SNX30: variants seen among roughly 807,000 people sequenced by gnomAD.
SNX30 encodes sorting nexin family member 30.
Under a neutral mutation model 46.4 loss-of-function variants are expected in SNX30, and 24 were observed. The ratio of observed to expected loss-of-function variants is 0.52; its 90% CI spans 0.37 to 0.73. The LOEUF (loss-of-function observed/expected upper bound fraction) is 0.73. Ranked by LOEUF, SNX30 falls within the 30% of genes least tolerant of loss-of-function variation. The probability of loss-of-function intolerance (pLI) is 0.00; values close to 1 mark genes in which losing one functional copy is unlikely to be tolerated. For missense variants in SNX30, 533 were observed against 555.7 expected (o/e 0.96, Z 0.41); for synonymous variants, 189 against 211.5 (o/e 0.89, Z 0.92).
chr9:112,832,457 AGAGTGTGTGTGTGT>A (rs1381273564), intron 4 of SNX30, among the ~76,000 whole-genome samples: 1 of 112,336 alleles, frequency 8.9e-6, no homozygotes, highest in African/African-American at 4.3e-5. Flanking sequence ...AGAGAGAGAG[AGAGTGTGTGTGTGT>A]GTGTGTGTGT....
chr9:112,759,912 C>G (rs1013973940), intron 1 of SNX30, among the ~76,000 whole-genome samples: 1 of 151,960 alleles, frequency 6.6e-6, no homozygotes, highest in Admixed American at 6.6e-5. Context: ...CCAGCGAGTT[C>G]GTAGAGTAGT....
At chr9:112,784,307 A>G (rs1426204967) in intron 1 of SNX30, among the ~76,000 whole-genome samples, 1 of 152,006 alleles carries the variant, frequency 6.6e-6, no homozygotes. Flanking sequence ...TTTTTTCTGC[A>G]TGCTTTTTTC....
intron 8 of SNX30, chr9:112,866,636 C>T (rs548095117): frequency 4.0e-4 from 178 of 444,298 alleles, no homozygotes; most frequent in Admixed American, 6.9e-4. Flanking sequence ...AGCAATTTCA[C>T]CACTCTTCTT....
At chr9:112,772,492 G>A (rs1039108041) in intron 1 of SNX30, among the ~76,000 whole-genome samples, 1 of 152,094 alleles carries the variant, frequency 6.6e-6, no homozygotes, top group Non-Finnish European at 1.5e-5. Context: ...ACAGGTGTGG[G>A]GCTGTGGTAC....
rs1841484160 is a variant in SNX30, at chr9:112,873,974, C to G, written c.*5131C>G. ...ATTGCATATTCTCTGTCAGCAGCAG[C>G]ACTCCCACACCAGGTGGTTCTGGGC... On this transcript the variant is annotated 3_prime_UTR_variant, in exon 9 of 9. Coordinates refer to ENST00000374232, the MANE Select transcript of SNX30 (RefSeq NM_001012994.2). 1.3e-5 allele frequency: 2 copies of G among 152,228 alleles called. No homozygotes were observed. The highest frequency in any genetic ancestry group is 2.9e-5 in the Non-Finnish European group (2 of 68,050). The allele number at this position is 152,228 out of a possible 1,614,324, so 9.4% of individuals were successfully genotyped here. A position where few individuals can be genotyped will look rare whatever the true frequency, so the allele number is the denominator to read the frequency against.
intron 6 of SNX30, among the ~76,000 whole-genome samples, chr9:112,841,412 A>T (rs1405663582): frequency 6.6e-6 from 1 of 152,218 alleles, no homozygotes; most frequent in Non-Finnish European, 1.5e-5. Context: ...TGTGTGGGGC[A>T]TATGTATGGA....
At chr9:112,812,298 C>T (rs1188498371) in intron 2 of SNX30, among the ~76,000 whole-genome samples, 1 of 152,114 alleles carries the variant, frequency 6.6e-6, no homozygotes, top group East Asian at 1.9e-4. Context: ...CTGTGTCACC[C>T]AGGCTGGAGT....
At chr9:112,781,022 C>G (rs966209781) in intron 1 of SNX30, among the ~76,000 whole-genome samples, 25 of 152,226 alleles carry the variant, frequency 1.6e-4, no homozygotes, top group African/African-American at 5.8e-4. Context: ...CCTACATTCT[C>G]TCTTGTTTGC....
chr9:112,824,962 A>G (rs992520331), intron 3 of SNX30, among the ~76,000 whole-genome samples: 2 of 152,186 alleles, frequency 1.3e-5, no homozygotes, highest in Non-Finnish European at 2.9e-5. Flanking sequence ...TACCCCCAAA[A>G]GAAACTTTGT....
chr9:112,767,144 G>A (rs1554748160), intron 1 of SNX30, among the ~76,000 whole-genome samples: 2 of 147,030 alleles, frequency 1.4e-5, no homozygotes, highest in East Asian at 2.0e-4. Flanking sequence ...TTTGATAGTA[G>A]TTATTCTAGA....
chr9:112,809,072 A>C (rs1840275650), intron 2 of SNX30, among the ~76,000 whole-genome samples: 2 of 145,732 alleles, frequency 1.4e-5, no homozygotes, highest in South Asian at 4.5e-4. Context: ...AATCTTGCCC[A>C]AAAGACATGA....
chr9:112,868,639 A>G, intron 8 of SNX30, 145 bp from the exon 9 acceptor site: 1 of 763,690 alleles, frequency 1.3e-6, no homozygotes, highest in Non-Finnish European at 2.2e-6. Context: ...CCCGTTTGTA[A>G]TAGTTATGGA....
At chr9:112,778,903 A>T (rs374970778) in intron 1 of SNX30, among the ~76,000 whole-genome samples, 2 of 118,168 alleles carry the variant, frequency 1.7e-5, no homozygotes, top group Non-Finnish European at 3.6e-5. Context: ...GGGGGGGGGG[A>T]TTTGCACAGC....
At chr9:112,788,687 G>T (rs1435591919) in intron 1 of SNX30, among the ~76,000 whole-genome samples, 2 of 152,158 alleles carry the variant, frequency 1.3e-5, no homozygotes, top group African/African-American at 4.8e-5. Context: ...TGTGATTTTG[G>T]TGCAGAAGTT....
chr9:112,852,601 A>G (rs1236250060), intron 7 of SNX30, among the ~76,000 whole-genome samples: 1 of 152,180 alleles, frequency 6.6e-6, no homozygotes, highest in Non-Finnish European at 1.5e-5. Flanking sequence ...TACCATTATT[A>G]TCCCCATTTG....
At chr9:112,762,123 C>T (rs1839445202) in intron 1 of SNX30, among the ~76,000 whole-genome samples, 2 of 152,136 alleles carry the variant, frequency 1.3e-5, no homozygotes, top group Non-Finnish European at 2.9e-5. Context: ...GTTTACTAGA[C>T]ATTAGAGGAC....
chr9:112,772,559 A>G (rs1344551347), intron 1 of SNX30, among the ~76,000 whole-genome samples: 2 of 152,110 alleles, frequency 1.3e-5, no homozygotes, highest in African/African-American at 4.8e-5. Context: ...TTTGAGCAAA[A>G]TGGTCACATC....
At chr9:112,785,952 C>T (rs1839917234) in intron 1 of SNX30, among the ~76,000 whole-genome samples, 1 of 152,180 alleles carries the variant, frequency 6.6e-6, no homozygotes, top group South Asian at 2.1e-4. Flanking sequence ...TAATATTCTT[C>T]AGCTGATGGT....
chr9:112,764,860 T>C (rs892578366), intron 1 of SNX30, among the ~76,000 whole-genome samples: 6 of 152,232 alleles, frequency 3.9e-5, no homozygotes, highest in African/African-American at 1.4e-4. Context: ...GTCTGAATGC[T>C]ACTGAGGGTC....
Sources: gnomAD v4.1 joint callset for allele counts (sites outside exome capture counted in the v4.1 genomes callset) on GRCh38, gnomAD v4.1.1 for gene constraint, MANE v1.5 for transcripts, NCBI Gene and HGNC (gene_info 2026-07-23, HGNC 2026-07-21) for gene names.